AP2B1: variants seen among roughly 807,000 people sequenced by gnomAD.
AP2B1 encodes the protein adaptor related protein complex 2 subunit beta 1.
A neutral mutation model predicts 102.0 loss-of-function variants in AP2B1; 23 were observed. The observed-to-expected ratio is 0.23, with a 90% CI of 0.16 to 0.32. The LOEUF (loss-of-function observed/expected upper bound fraction) is 0.32. Ranked by LOEUF, AP2B1 falls within the 10% of genes least tolerant of loss-of-function variation. The probability of loss-of-function intolerance (pLI) is 1.00; values close to 1 mark genes in which losing one functional copy is unlikely to be tolerated. For missense variants in AP2B1, 541 were observed against 1,157.4 expected (o/e 0.47, Z 7.73); for synonymous variants, 381 against 421.2 (o/e 0.90, Z 1.17).
chr17:35,608,568 G>C (rs1319923707), intron 5 of AP2B1, among the ~76,000 whole-genome samples, 181 bp downstream of exon 5: 1 of 152,148 alleles, frequency 6.6e-6, no homozygotes, highest in Non-Finnish European at 1.5e-5. Context: ...TGAGAACCAA[G>C]TACTAAAATG....
At chr17:35,594,126 G>T (rs1306380297) in intron 2 of AP2B1, 59 bp downstream of exon 2, 14 of 1,242,168 alleles carry the variant, frequency 1.1e-5, no homozygotes, top group Middle Eastern at 1.9e-4. Context: ...GTGTAAGATT[G>T]CCCCAGGCAG....
At chr17:35,671,012 C>T in intron 15 of AP2B1, 114 bp downstream of exon 15, 1 of 1,083,972 alleles carries the variant, frequency 9.2e-7, no homozygotes, top group South Asian at 1.3e-5. Context: ...CACACCAAAA[C>T]CTCTATAACA....
At chr17:35,610,842 G>A (rs2073838657) in intron 5 of AP2B1, among the ~76,000 whole-genome samples, 1 of 151,472 alleles carries the variant, frequency 6.6e-6, no homozygotes, top group Non-Finnish European at 1.5e-5. Flanking sequence ...AGGAGGCGGA[G>A]CTTGCAGTGA....
At chr17:35,668,081 G>T (rs1353220520) in intron 14 of AP2B1, among the ~76,000 whole-genome samples, 1 of 151,886 alleles carries the variant, frequency 6.6e-6, no homozygotes, top group Admixed American at 6.6e-5. Context: ...GGGACTACAG[G>T]TTCCCGTCAC....
chr17:35,616,823 C>T (rs1192624142), intron 5 of AP2B1, among the ~76,000 whole-genome samples: 1 of 152,182 alleles, frequency 6.6e-6, no homozygotes, highest in South Asian at 2.1e-4. Flanking sequence ...GTCACCATAG[C>T]ATAGTGGTTG....
intron 9 of AP2B1, among the ~76,000 whole-genome samples, chr17:35,634,921 A>G (rs537172890): frequency 2.0e-4 from 30 of 152,224 alleles, no homozygotes; most frequent in Admixed American, 1.7e-3. Context: ...TCCTCCTACG[A>G]TGGCTTATTC....
intron 12 of AP2B1, among the ~76,000 whole-genome samples, chr17:35,648,535 TACATAC>T (rs1265767644): frequency 3.0e-4 from 45 of 151,132 alleles, no homozygotes; most frequent in African/African-American, 1.1e-3. Context: ...CATACATACA[TACATAC>T]ATACATACAT....
chr17:35,686,780 C>T (rs906067953), intron 18 of AP2B1, among the ~76,000 whole-genome samples: 2 of 152,002 alleles, frequency 1.3e-5, no homozygotes, highest in African/African-American at 4.8e-5. Context: ...CTGGCTAACA[C>T]GGTGAAACCC....
chr17:35,615,876 A>G (rs1308543252), intron 5 of AP2B1, among the ~76,000 whole-genome samples: 1 of 152,148 alleles, frequency 6.6e-6, no homozygotes, highest in African/African-American at 2.4e-5. Flanking sequence ...CATATTATAA[A>G]AGGAGCTGCT....
intron 3 of AP2B1, among the ~76,000 whole-genome samples, chr17:35,603,212 T>C (rs1048722515): frequency 3.9e-5 from 6 of 152,216 alleles, no homozygotes; most frequent in Admixed American, 3.9e-4. Context: ...TTTCCCCTTA[T>C]TTTCCTTGTG....
At chr17:35,641,837 GT>G (rs1415162763) in intron 11 of AP2B1, 39 bp from the exon 12 acceptor site, 1 of 1,446,832 alleles carries the variant, frequency 6.9e-7, no homozygotes, top group Non-Finnish European at 9.7e-7. Context: ...AATAATGCCA[GT>G]GCCATTCTTT....
At chr17:35,641,338 T>C (rs2074774555) in intron 11 of AP2B1, among the ~76,000 whole-genome samples, 1 of 152,184 alleles carries the variant, frequency 6.6e-6, no homozygotes, top group Non-Finnish European at 1.5e-5. Context: ...TTTGGAAGGC[T>C]GATGCGGGAG....
intron 5 of AP2B1, among the ~76,000 whole-genome samples, chr17:35,614,935 A>G (rs1365411917): frequency 6.6e-6 from 1 of 152,042 alleles, no homozygotes; most frequent in Non-Finnish European, 1.5e-5. Context: ...GAGTGATTCT[A>G]CTCTCCAGAG....
At chr17:35,630,930 GT>G (rs1446504193) in intron 9 of AP2B1, among the ~76,000 whole-genome samples, 2 of 152,184 alleles carry the variant, frequency 1.3e-5, no homozygotes, top group Admixed American at 1.3e-4. Flanking sequence ...GTTTGACAGA[GT>G]TGCCAAGCCA....
At chr17:35,678,398 G>A (rs891239319) in intron 17 of AP2B1, among the ~76,000 whole-genome samples, 2 of 151,682 alleles carry the variant, frequency 1.3e-5, no homozygotes, top group East Asian at 1.9e-4. Flanking sequence ...TTGTCTGATT[G>A]TACTAACAGG....
intron 20 of AP2B1, among the ~76,000 whole-genome samples, chr17:35,710,739 C>A (rs2076429420): frequency 6.6e-6 from 1 of 152,126 alleles, no homozygotes; most frequent in African/African-American, 2.4e-5. Flanking sequence ...GTACTTAGAA[C>A]CCTGTGTTTA....
chr17:35,600,952 G>A (rs2073459956), intron 3 of AP2B1: 2 of 975,006 alleles, frequency 2.1e-6, no homozygotes, highest in African/African-American at 3.5e-5. Flanking sequence ...GCTCTTCTGA[G>A]GTGAATTTTT....
At chr17:35,712,689 T>C (rs781824807) in intron 20 of AP2B1, among the ~76,000 whole-genome samples, 2 of 152,000 alleles carry the variant, frequency 1.3e-5, no homozygotes, top group South Asian at 4.2e-4. Flanking sequence ...TCCATGAAAG[T>C]TGAAAAATAC....
intron 1 of AP2B1, among the ~76,000 whole-genome samples, chr17:35,589,249 A>G (rs2073005266): frequency 6.6e-6 from 1 of 152,182 alleles, no homozygotes; most frequent in African/African-American, 2.4e-5. Flanking sequence ...TTAGAAATGA[A>G]TTTGGCACCT....
Sources: allele counts gnomAD v4.1 joint callset (sites outside exome capture counted in the v4.1 genomes callset), GRCh38; gene constraint gnomAD v4.1.1; transcripts MANE v1.5; gene names NCBI Gene and HGNC (gene_info 2026-07-23, HGNC 2026-07-21).